CAST: variants seen among roughly 807,000 people sequenced by gnomAD.
CAST encodes MIR583 host.
Under a neutral mutation model 119.6 loss-of-function variants are expected in CAST, and 76 were observed. The observed-to-expected ratio is 0.64, with a 90% CI of 0.53 to 0.77. The LOEUF is 0.77. Among genes scored for constraint, CAST ranks in the 30% least tolerant of loss-of-function variants. The pLI, the probability that CAST is intolerant of heterozygous loss-of-function variation, is 0.00. For synonymous variants in CAST, 319 were observed against 331.6 expected, an observed-to-expected ratio of 0.96 and a Z score of 0.41; for missense variants, 953 against 946.5, an observed-to-expected ratio of 1.01 and a Z score of -0.09.
the CAST span, chr5:96,399,911 G>T: frequency 1.4e-6 from 2 of 1,434,570 alleles, no homozygotes; most frequent in Non-Finnish European, 2.0e-6. Flanking sequence ...ATGAAATTAT[G>T]CCATGGGCAC....
chr5:96,344,206 CAT>C, the CAST span, among the ~76,000 whole-genome samples: 30,377 of 151,952 alleles, frequency 0.2, 3,730 homozygotes, highest in Non-Finnish European at 0.26. Flanking sequence ...TGAAGAGTGA[CAT>C]AGTTTCTAGT....
the CAST span, among the ~76,000 whole-genome samples, chr5:96,119,693 G>A: frequency 6.6e-6 from 1 of 152,168 alleles, no homozygotes; most frequent in Admixed American, 6.5e-5. Flanking sequence ...GCTGTTTATA[G>A]TCAGAATGTC....
At chr5:96,545,757 G>T (rs938182180) in intron 1 of CAST, among the ~76,000 whole-genome samples, 24 of 152,172 alleles carry the variant, frequency 1.6e-4, no homozygotes, top group African/African-American at 5.6e-4. Flanking sequence ...AACTGAAATG[G>T]CCAAGGAATG....
At chr5:96,130,354 G>T in the CAST span, among the ~76,000 whole-genome samples, 2 of 151,378 alleles carry the variant, frequency 1.3e-5, no homozygotes, top group Non-Finnish European at 2.9e-5. Context: ...AACAAAGAAA[G>T]TCTGAGAAAT....
chr5:96,327,992 A>C, the CAST span, among the ~76,000 whole-genome samples: 1 of 152,204 alleles, frequency 6.6e-6, no homozygotes, highest in African/African-American at 2.4e-5. Flanking sequence ...CCTCCACCAG[A>C]TGCCCCTAAT....
At chr5:96,074,618 G>A in the CAST span, among the ~76,000 whole-genome samples, 1 of 152,198 alleles carries the variant, frequency 6.6e-6, no homozygotes, top group Non-Finnish European at 1.5e-5. Flanking sequence ...TAGTACAGGT[G>A]GGAAGTTTCC....
the CAST span, among the ~76,000 whole-genome samples, chr5:96,015,510 C>T: frequency 6.6e-6 from 1 of 151,870 alleles, no homozygotes; most frequent in African/African-American, 2.4e-5. Context: ...TTTTTTTAAT[C>T]ACCTATAATA....
intron 1 of CAST, among the ~76,000 whole-genome samples, chr5:96,634,954 CA>C (rs1289425599): frequency 6.6e-6 from 1 of 152,102 alleles, no homozygotes; most frequent in African/African-American, 2.4e-5. Context: ...TGTATAATGC[CA>C]AAGAATCACA....
At chr5:96,571,240 C>T (rs1014813039) in intron 1 of CAST, among the ~76,000 whole-genome samples, 5 of 152,124 alleles carry the variant, frequency 3.3e-5, no homozygotes, top group African/African-American at 4.8e-5. Flanking sequence ...AGATAGGCAG[C>T]GCAGGGAGGG....
At chr5:96,722,002 A>G (rs1045489803) in intron 3 of CAST, among the ~76,000 whole-genome samples, 1 of 152,252 alleles carries the variant, frequency 6.6e-6, no homozygotes, top group Non-Finnish European at 1.5e-5. Flanking sequence ...CTGAACGGAC[A>G]GTTCACATCC....
chr5:96,440,859 C>T, the CAST span, among the ~76,000 whole-genome samples: 4 of 152,114 alleles, frequency 2.6e-5, no homozygotes, highest in Admixed American at 1.3e-4. Context: ...AGTTAAGAGT[C>T]GATGGAAGAA....
the CAST span, among the ~76,000 whole-genome samples, chr5:96,380,871 T>C: frequency 6.6e-6 from 1 of 152,176 alleles, no homozygotes; most frequent in African/African-American, 2.4e-5. Context: ...TACGCGTGGG[T>C]AAAAACTCTA....
the CAST span, among the ~76,000 whole-genome samples, chr5:96,270,462 G>A: frequency 2.0e-5 from 3 of 152,232 alleles, no homozygotes; most frequent in South Asian, 2.1e-4. Context: ...ACCCTTGTTT[G>A]CAGACAACAT....
the CAST span, among the ~76,000 whole-genome samples, chr5:96,169,697 A>G: frequency 6.6e-6 from 1 of 152,026 alleles, no homozygotes; most frequent in Non-Finnish European, 1.5e-5. Flanking sequence ...ATGATCGGTC[A>G]CCAAGGAGGG....
intron 19 of CAST, 100 bp downstream of exon 19, chr5:96,748,713 C>T (rs1764318290): frequency 3.1e-5 from 18 of 587,366 alleles, no homozygotes; most frequent in Non-Finnish European, 4.9e-5. Context: ...TGTTAGAAAG[C>T]CCAATATGCC....
the CAST span, among the ~76,000 whole-genome samples, chr5:96,235,801 G>A: frequency 6.6e-6 from 1 of 152,070 alleles, no homozygotes; most frequent in Non-Finnish European, 1.5e-5. Context: ...AAATCCTTCT[G>A]TTTTGAAGTC....
chr5:96,494,120 G>A, the CAST span, among the ~76,000 whole-genome samples: 1 of 152,176 alleles, frequency 6.6e-6, no homozygotes, highest in East Asian at 1.9e-4. Flanking sequence ...AAGAGTTGGG[G>A]ATAGCCCAAC....
intron 2 of CAST, among the ~76,000 whole-genome samples, chr5:96,692,718 A>G (rs570082656): frequency 2.0e-5 from 3 of 152,214 alleles, no homozygotes; most frequent in Admixed American, 6.5e-5. Flanking sequence ...CCCTGAGCCA[A>G]TCACTCTCTG....
At chr5:96,056,175 A>T in the CAST span, among the ~76,000 whole-genome samples, 1 of 152,186 alleles carries the variant, frequency 6.6e-6, no homozygotes, top group African/African-American at 2.4e-5. Context: ...AAAAAATACT[A>T]AACAAGTATC....
Sources: gnomAD v4.1 joint callset for allele counts (sites outside exome capture counted in the v4.1 genomes callset) on GRCh38, gnomAD v4.1.1 for gene constraint, MANE v1.5 for transcripts, NCBI Gene and HGNC (gene_info 2026-07-23, HGNC 2026-07-21) for gene names.